Variants in UBE3D observed in about 807,000 individuals in gnomAD.
UBE3D encodes E3 ubiquitin-protein ligase E3D.
A neutral mutation model predicts 49.6 loss-of-function variants in UBE3D; 48 were observed. The observed-to-expected ratio is 0.97, with a 90% CI of 0.77 to 1.23. The LOEUF (loss-of-function observed/expected upper bound fraction) is 1.23. UBE3D is among the 50% of genes most tolerant of loss of function. The pLI is 0.00. For missense variants in UBE3D, 452 were observed against 468.4 expected, an observed-to-expected ratio of 0.96 and a Z score of 0.32; for synonymous variants, 189 against 174.2, an observed-to-expected ratio of 1.08 and a Z score of -0.67.
intron 2 of UBE3D, 94 bp from the exon 3 acceptor site, chr6:83,054,332 AT>A: frequency 3.2e-6 from 3 of 929,074 alleles, no homozygotes; most frequent in Non-Finnish European, 5.1e-6. Flanking sequence ...ATTACCATCC[AT>A]AAACAGTTTA....
intron 8 of UBE3D, among the ~76,000 whole-genome samples, chr6:82,994,174 A>C (rs1779087562): frequency 6.6e-6 from 1 of 152,240 alleles, no homozygotes; most frequent in African/African-American, 2.4e-5. Flanking sequence ...ACAACAGAAG[A>C]AAAAATTTTA....
chr6:82,926,771 A>T (rs1773782381), intron 9 of UBE3D, among the ~76,000 whole-genome samples: 1 of 152,038 alleles, frequency 6.6e-6, no homozygotes. Flanking sequence ...TCCATTTTAA[A>T]ATCAGGTTGT....
At chr6:82,939,976 A>C (rs575164122) in intron 9 of UBE3D, among the ~76,000 whole-genome samples, 1 of 152,364 alleles carries the variant, frequency 6.6e-6, no homozygotes, top group Non-Finnish European at 1.5e-5. Flanking sequence ...GAAAGCACAG[A>C]AACTGTCCAG....
At chr6:82,923,677 A>T (rs181848765) in intron 9 of UBE3D, among the ~76,000 whole-genome samples, 3 of 152,360 alleles carry the variant, frequency 2.0e-5, no homozygotes, top group African/African-American at 7.2e-5. Flanking sequence ...AACAAAATGC[A>T]CGTTCTGCAC....
intron 8 of UBE3D, among the ~76,000 whole-genome samples, chr6:82,976,983 A>G (rs570699795): frequency 1.3e-5 from 2 of 151,982 alleles, no homozygotes; most frequent in South Asian, 2.1e-4. Context: ...GTGTTGTGGC[A>G]GGCACCTGTA....
chr6:82,957,602 C>G, intron 8 of UBE3D, 152 bp from the exon 9 acceptor site: 2 of 1,029,024 alleles, frequency 1.9e-6, no homozygotes, highest in Non-Finnish European at 2.7e-6. Flanking sequence ...AGAACATGTC[C>G]AAGACGTTTT....
Position 82,893,574 on chromosome 6 carries a change from A to G in UBE3D, c.1150-532T>C, listed in dbSNP as rs181524450. Among the ~76,000 whole-genome samples, 23 of 152,336 alleles carry G rather than the reference A, an allele frequency of 1.5e-4. No individual in the cohort carries two copies. The East Asian group carries it at 4.0e-3, about 27-fold the overall frequency. On this transcript the variant is annotated intron_variant, in intron 9 of 9. Coordinates refer to ENST00000369747, the MANE Select transcript of UBE3D (RefSeq NM_198920.3). ...CAGACTATGTAATGAGGCCTAGATC[A>G]AATGCATCTAATTTCCCAATAGTTT...
rs971167983 is a variant in UBE3D, at chr6:83,054,238, T to C, written c.275A>G (p.Lys92Arg). Residue 92 changes from lysine to arginine, a missense_variant and splice_region_variant, in exon 3 of 10, where the codon AAA (lysine) becomes AGA (arginine). Lys to Arg is a conservative substitution (Grantham distance 26). Transcript: ENST00000369747. ...GCTTTGATTAAACATTGAAATCAGT[T>C]CTAAAGGAAGTCAATGAAATAGCTA... is the stretch of plus-strand genomic sequence containing the variant. Reference protein sequence around the residue: ...RLQTQAKLGTKLISMFNQSSQ... With the variant: ...RLQTQAKLGTRLISMFNQSSQ... 26 of 1,612,848 alleles carry C rather than the reference T, an allele frequency of 1.6e-5. No homozygotes were observed. The highest frequency in any genetic ancestry group is 2.2e-5 in the Non-Finnish European group (26 of 1,178,872).
At chr6:82,946,562 T>C (rs1052552671) in intron 9 of UBE3D, among the ~76,000 whole-genome samples, 3 of 152,088 alleles carry the variant, frequency 2.0e-5, no homozygotes, top group African/African-American at 7.2e-5. Context: ...AGACATCATC[T>C]GAAGGTACAA....
intron 5 of UBE3D, among the ~76,000 whole-genome samples, chr6:83,033,886 C>G (rs1262476019): frequency 6.6e-6 from 1 of 152,206 alleles, no homozygotes; most frequent in Non-Finnish European, 1.5e-5. Context: ...ACCAAACCCA[C>G]CATGTATAGA....
At position 83,022,319 on chromosome 6, in the gene UBE3D, GC is replaced by G. The variant is rs1379876179; in HGVS notation, c.846+133del. 5.0e-6 allele frequency: 3 copies of G among 604,062 alleles called. No individual in the cohort carries two copies. The African/African-American group carries it at 5.9e-5, about 12-fold the overall frequency. The allele number at this position is 604,062 out of a possible 1,614,324, so 37.4% of individuals were successfully genotyped here. A position where few individuals can be genotyped will look rare whatever the true frequency, so the allele number is the denominator to read the frequency against. The stretch of plus-strand genomic sequence containing the variant: ...TGGGATTTCAGGCATAAGCCACCGT[GC>G]CCAGCCTGATATTAACATTTTTAAT... On this transcript the variant is annotated intron_variant, in intron 7 of 9. Coordinates refer to ENST00000369747, the MANE Select transcript of UBE3D (RefSeq NM_198920.3).
rs1306660414 is a variant in UBE3D at position 82,894,447 on chromosome 6, C to T, written c.1150-1405G>A. 2.6e-5 allele frequency among the ~76,000 whole-genome samples: 4 copies of T among 152,266 alleles called. No individual in the cohort carries two copies. The East Asian group carries it at 7.7e-4, about 29-fold the overall frequency. On this transcript the variant is annotated intron_variant, in intron 9 of 9. Transcript: ENST00000369747. ...ATATCCTGCCGGGCGGTAAGCCATA[C>T]TGCCCAGACCCCTCCCACCCATACC...
At chr6:82,913,585 T>C (rs1052764507) in intron 9 of UBE3D, among the ~76,000 whole-genome samples, 1 of 152,214 alleles carries the variant, frequency 6.6e-6, no homozygotes, top group Non-Finnish European at 1.5e-5. Flanking sequence ...TTTTCCTCTA[T>C]CATCCAAACT....
chr6:82,930,925 T>C (rs1275115237), intron 9 of UBE3D, among the ~76,000 whole-genome samples: 1 of 152,202 alleles, frequency 6.6e-6, no homozygotes, highest in East Asian at 1.9e-4. Context: ...GGAAAATTTC[T>C]CTAGGGCATG....
chr6:82,906,524 T>C (rs1357930760), intron 9 of UBE3D, among the ~76,000 whole-genome samples: 1 of 152,212 alleles, frequency 6.6e-6, no homozygotes, highest in Non-Finnish European at 1.5e-5. Context: ...TTCCCTCACT[T>C]ATGGTAAGAC....
At position 82,920,969 on chromosome 6, in the gene UBE3D, G is replaced by A. The variant is rs578201186; in HGVS notation, c.1150-27927C>T. On this transcript the variant is annotated intron_variant, in intron 9 of 9. Coordinates refer to ENST00000369747, the MANE Select transcript of UBE3D (RefSeq NM_198920.3). ...TTTTTTTTTTTTTTTTTGAGACAGC[G>A]TCTTGCTGTGTTGCCCAGGCTGGAT... Among the ~76,000 whole-genome samples the A allele has an allele frequency of 1.5e-4, 21 of 141,216 alleles. 1 individual carries two copies. In the South Asian group the frequency reaches 2.0e-3, roughly 13 times the overall value. The allele number at this position is 141,216 out of a possible 152,430, so 92.6% of individuals were successfully genotyped here.
At chr6:82,937,291 C>T (rs1004529192) in intron 9 of UBE3D, among the ~76,000 whole-genome samples, 15 of 151,552 alleles carry the variant, frequency 9.9e-5, no homozygotes, top group Admixed American at 9.9e-4. Flanking sequence ...CTGACATCCT[C>T]CCCAGGCTGT....
chr6:82,999,881 G>A (rs1351198444), intron 8 of UBE3D, among the ~76,000 whole-genome samples: 2 of 152,108 alleles, frequency 1.3e-5, no homozygotes, highest in Non-Finnish European at 2.9e-5. Flanking sequence ...AGGCACCCAA[G>A]ATAATTCCTG....
intron 9 of UBE3D, among the ~76,000 whole-genome samples, chr6:82,915,404 A>G (rs1435281347): frequency 6.6e-6 from 1 of 152,214 alleles, no homozygotes; most frequent in Admixed American, 6.5e-5. Context: ...CGGGGCCTGT[A>G]TGAGTCTGTA....
Sources: gnomAD v4.1 joint callset for allele counts (sites outside exome capture counted in the v4.1 genomes callset) on GRCh38, gnomAD v4.1.1 for gene constraint, MANE v1.5 for transcripts, NCBI Gene and HGNC (gene_info 2026-07-23, HGNC 2026-07-21) for gene names.